The following C16orf89 variants were observed in gnomAD, a reference collection of about 807,000 sequenced individuals.
C16orf89 encodes the protein chromosome 16 open reading frame 89.
A neutral mutation model predicts 41.5 loss-of-function variants in C16orf89; 57 were observed. The observed-to-expected ratio is 1.38, with a 90% CI of 1.11 to 1.71. C16orf89 has a LOEUF of 1.71. Ranked by LOEUF, C16orf89 falls within the 40% of genes most tolerant of loss-of-function variation. The probability of loss-of-function intolerance (pLI) is 0.00; values close to 1 mark genes in which losing one functional copy is unlikely to be tolerated. For synonymous variants in C16orf89, 223 were observed against 190.6 expected, an observed-to-expected ratio of 1.17 and a Z score of -1.40; for missense variants, 575 against 445.9, an observed-to-expected ratio of 1.29 and a Z score of -2.61.
intron 6 of C16orf89, among the ~76,000 whole-genome samples, chr16:5,048,878 T>G (rs1275861966): frequency 6.6e-6 from 1 of 151,994 alleles, no homozygotes; most frequent in African/African-American, 2.4e-5. Context: ...AATAATAACC[T>G]TGAATGCAAA....
chr16:5,047,821 G>C, intron 7 of C16orf89, 57 bp downstream of exon 7: 1 of 1,009,016 alleles, frequency 9.9e-7, no homozygotes, highest in East Asian at 2.4e-5. Flanking sequence ...ACAGGCCTCT[G>C]TTTTGCTAGG....
At chr16:5,053,853 G>C (rs1956441118) in intron 6 of C16orf89, among the ~76,000 whole-genome samples, 1 of 152,150 alleles carries the variant, frequency 6.6e-6, no homozygotes, top group African/African-American at 2.4e-5. Flanking sequence ...TTTTCAAATA[G>C]CTAGAAGAGC....
At position 5,047,389 on chromosome 16, in the gene C16orf89, G is replaced by A. The variant is rs142107916; in HGVS notation, c.955+489C>T. ...ACCTTGACTTAGAAGGGTTACTGTT[G>A]CTATTTTTAACAACTGAAACTTCTC... On this transcript the variant is annotated intron_variant, in intron 7 of 7. Transcript: ENST00000472572. Among the ~76,000 whole-genome samples the A allele has an allele frequency of 2.2e-3, 328 of 152,146 alleles. 4 individuals carry two copies. The highest frequency in any genetic ancestry group is 4.6e-3 in the African/African-American group (189 of 41,512).
At position 5,060,299 on chromosome 16, in the gene C16orf89, G is replaced by T. The variant is rs768777165; in HGVS notation, c.496C>A (p.Leu166Met). The change falls in exon 3 of 8, where the codon CTG becomes ATG. Residue 166 changes from leucine (L) to methionine (M), a missense_variant. Physicochemically the swap from Leu to Met is conservative, Grantham distance 15. Coordinates refer to ENST00000472572, the MANE Select transcript of C16orf89 (RefSeq NM_001098514.3). ...EERSDVCLVQLLGTGTDSSEP... is the reference protein window; with the variant it reads ...EERSDVCLVQMLGTGTDSSEP... ...TGCAGGGCCCACCCGGTTCCCAGCA[G>T]CTGCACCAGGCACACGTCACTTCTC... The T allele has an allele frequency of 9.3e-6, 15 of 1,610,168 alleles. 1 individual carries two copies. Among genetic ancestry groups the T allele is most frequent in the South Asian group, 4.4e-5 (4 of 90,706 alleles).
intron 4 of C16orf89, among the ~76,000 whole-genome samples, chr16:5,056,468 G>C (rs537632207): frequency 6.6e-6 from 1 of 152,162 alleles, no homozygotes; most frequent in Non-Finnish European, 1.5e-5. Flanking sequence ...GAAAGGGCGA[G>C]GCCTCTAGAA....
At chr16:5,065,326 G>A (rs1956715806) in intron 1 of C16orf89, among the ~76,000 whole-genome samples, 2 of 152,126 alleles carry the variant, frequency 1.3e-5, no homozygotes, top group Admixed American at 6.5e-5. Flanking sequence ...CCTCAGTTTT[G>A]TCCACAGCCA....
chr16:5,062,385 C>T lies in C16orf89; in HGVS notation c.358+40G>A, dbSNP rs1484600890. The stretch of plus-strand genomic sequence containing the variant: ...TTATTTCAGTCAATATCCCCATAGG[C>T]GCTATTCCTGAGGGAATGGGACACC... On this transcript the variant is annotated intron_variant, in intron 2 of 7. Coordinates refer to ENST00000472572, the MANE Select transcript of C16orf89 (RefSeq NM_001098514.3). The T allele has an allele frequency of 8.9e-6, 14 of 1,573,388 alleles. No homozygotes were observed. The East Asian group carries it at 9.0e-5, about 10-fold the overall frequency.
chr16:5,050,665 C>G (rs1027472524), intron 6 of C16orf89, among the ~76,000 whole-genome samples: 1 of 152,124 alleles, frequency 6.6e-6, no homozygotes, highest in Non-Finnish European at 1.5e-5. Context: ...AATACTAAAA[C>G]CAGCCAAGGA....
chr16:5,044,233 G>C lies in C16orf89; in HGVS notation c.*115C>G. On this transcript the variant is annotated 3_prime_UTR_variant, in exon 8 of 8. Coordinates refer to ENST00000472572, the MANE Select transcript of C16orf89 (RefSeq NM_001098514.3). ...CAAGATTGGGTGTCGGGGTGGCTTT[G>C]CTTATCCTCCAGATGCCTTCTTCCC... 1.4e-6 allele frequency: 2 copies of C among 1,442,900 alleles called. No homozygotes were observed. Among genetic ancestry groups the C allele is most frequent in the Non-Finnish European group, 1.8e-6 (2 of 1,103,582 alleles). The allele number at this position is 1,442,900 out of a possible 1,614,324, so 89.4% of individuals were successfully genotyped here. A position where few individuals can be genotyped will look rare whatever the true frequency, so the allele number is the denominator to read the frequency against.
chr16:5,045,998 G>A (rs1330639103), intron 7 of C16orf89, among the ~76,000 whole-genome samples: 1 of 152,146 alleles, frequency 6.6e-6, no homozygotes, highest in Non-Finnish European at 1.5e-5. Context: ...ACGGGCAGCT[G>A]ACCAGGTAGT....
chr16:5,060,173 C>G, intron 3 of C16orf89, 113 bp downstream of exon 3: 2 of 1,324,030 alleles, frequency 1.5e-6, no homozygotes, highest in Non-Finnish European at 2.0e-6. Flanking sequence ...GCACCTGTGT[C>G]TGCACAAACC....
At position 5,052,099 on chromosome 16, in the gene C16orf89, C is replaced by CAA. The variant is rs35641084; in HGVS notation, c.868+3145_868+3146dup. On this transcript the variant is annotated intron_variant, in intron 6 of 7. Transcript: ENST00000472572. Reference sequence around the variant, plus strand: ...CCTGGGTGACAGAACGAGACTGTCTCAAAAAAAAAAAAAAAAAAAAAGAAG... The same window carrying CAA: ...CCTGGGTGACAGAACGAGACTGTCTCAAAAAAAAAAAAAAAAAAAAAAAGAAG... 1.6e-3 allele frequency among the ~76,000 whole-genome samples: 129 copies of CAA among 78,416 alleles called. 1 individual carries two copies. Among genetic ancestry groups the CAA allele is most frequent in the African/African-American group, 2.0e-3 (40 of 20,090 alleles). The allele number at this position is 78,416 out of a possible 152,430, so 51.4% of individuals were successfully genotyped here. A position where few individuals can be genotyped will look rare whatever the true frequency, so the allele number is the denominator to read the frequency against.
chr16:5,061,052 G>T (rs1465076150), intron 2 of C16orf89, among the ~76,000 whole-genome samples: 2 of 149,924 alleles, frequency 1.3e-5, no homozygotes, highest in African/African-American at 4.9e-5. Flanking sequence ...CTTGAGGTCA[G>T]GAGTTCAAGA....
At chr16:5,047,635 G>C (rs929367130) in intron 7 of C16orf89, among the ~76,000 whole-genome samples, 3 of 151,854 alleles carry the variant, frequency 2.0e-5, no homozygotes, top group African/African-American at 7.3e-5. Flanking sequence ...GCCCAGCTAA[G>C]TTTTGTATTT....
intron 6 of C16orf89, among the ~76,000 whole-genome samples, chr16:5,052,784 T>C (rs554041778): frequency 1.1e-3 from 164 of 152,254 alleles, no homozygotes; most frequent in African/African-American, 3.8e-3. Context: ...TGGATATTTA[T>C]CCAAAGGAAA....
In C16orf89 at chr16:5,058,556, G is replaced by A; in HGVS notation, c.564C>T (p.Thr188=). 6.2e-7 allele frequency: 1 copy of A among 1,612,824 alleles called. No homozygotes were observed. The highest frequency in any genetic ancestry group is 2.2e-5 in the East Asian group (1 of 44,568). Residue 188 remains threonine, a synonymous_variant, in exon 4 of 8, where the codon ACC becomes ACT. Coordinates refer to ENST00000472572, the MANE Select transcript of C16orf89 (RefSeq NM_001098514.3). ...GLSDLCRSLM[T]KPGCSGYCLS... The stretch of plus-strand genomic sequence containing the variant: ...GGCAGTAGCCTGAGCAGCCGGGCTT[G>A]GTCATGAGGCTCCTGCAGAGGTCTG...
chr16:5,047,665 G>A (rs1956323728), intron 7 of C16orf89, among the ~76,000 whole-genome samples: 3 of 151,904 alleles, frequency 2.0e-5, no homozygotes, highest in Admixed American at 2.0e-4. Context: ...ACAGGGTTTT[G>A]TTATGTTGCC....
At chr16:5,059,198 T>C (rs192894708) in intron 3 of C16orf89, among the ~76,000 whole-genome samples, 15 of 151,040 alleles carry the variant, frequency 9.9e-5, no homozygotes, top group Admixed American at 4.6e-4. Flanking sequence ...TTGCAGTGAG[T>C]TGAGATCGCA....
chr16:5,050,778 A>G (rs1956381408), intron 6 of C16orf89, among the ~76,000 whole-genome samples: 1 of 152,164 alleles, frequency 6.6e-6, no homozygotes, highest in Non-Finnish European at 1.5e-5. Flanking sequence ...CACATTAAAA[A>G]CCATTCATGG....
Sources: allele counts gnomAD v4.1 joint callset (sites outside exome capture counted in the v4.1 genomes callset), GRCh38; gene constraint gnomAD v4.1.1; transcripts MANE v1.5; gene names NCBI Gene and HGNC (gene_info 2026-07-23, HGNC 2026-07-21).